Variants in FNDC3B observed in about 807,000 individuals in gnomAD.
FNDC3B encodes fibronectin type III domain containing 3B, also known as fibronectin type III domain-containing protein 3B.
In FNDC3B, 12 loss-of-function variants were observed where a neutral mutation model predicts 151.5. The observed-to-expected ratio is 0.08, with a 90% CI of 0.05 to 0.13. FNDC3B has a LOEUF of 0.13. FNDC3B is among the 10% of genes least tolerant of loss of function. The pLI, the probability that FNDC3B is intolerant of heterozygous loss-of-function variation, is 1.00. For missense variants in FNDC3B, 1,214 were observed against 1,505.3 expected (o/e 0.81, Z 3.20); for synonymous variants, 528 against 549.0 (o/e 0.96, Z 0.54).
intron 4 of FNDC3B, among the ~76,000 whole-genome samples, chr3:172,231,959 C>A: frequency 6.9e-6 from 1 of 145,294 alleles, no homozygotes; most frequent in Non-Finnish European, 1.5e-5. Flanking sequence ...TGGCTCACTG[C>A]AACCTCTGCC....
intron 3 of FNDC3B, among the ~76,000 whole-genome samples, chr3:172,207,215 A>T (rs913155138): frequency 6.6e-6 from 1 of 152,160 alleles, no homozygotes. Flanking sequence ...GGGAAACAGG[A>T]TATTAATTTG....
intron 3 of FNDC3B, among the ~76,000 whole-genome samples, chr3:172,222,909 G>A (rs1048985522): frequency 1.1e-4 from 16 of 152,234 alleles, no homozygotes; most frequent in Non-Finnish European, 2.2e-4. Flanking sequence ...AGCTCTCCAA[G>A]AGCTTGTGTG....
At chr3:172,270,461 A>G (rs762307378) in intron 6 of FNDC3B, among the ~76,000 whole-genome samples, 6 of 152,174 alleles carry the variant, frequency 3.9e-5, no homozygotes, top group Non-Finnish European at 5.9e-5. Context: ...TGTGGGGCCC[A>G]TTCTGCCCTA....
intron 1 of FNDC3B, among the ~76,000 whole-genome samples, chr3:172,063,683 TG>T (rs1379525377): frequency 1.3e-5 from 2 of 152,194 alleles, no homozygotes; most frequent in Non-Finnish European, 2.9e-5. Flanking sequence ...CATGATGTTT[TG>T]AGGGCAGCCT....
chr3:172,075,756 C>T (rs950205452), intron 1 of FNDC3B, among the ~76,000 whole-genome samples: 3 of 144,970 alleles, frequency 2.1e-5, no homozygotes, highest in Non-Finnish European at 4.6e-5. Context: ...CACACACACA[C>T]ACACACACAC....
intron 22 of FNDC3B, among the ~76,000 whole-genome samples, chr3:172,354,495 TAAAAAA>T (rs889464333): frequency 6.7e-6 from 1 of 149,838 alleles, no homozygotes; most frequent in African/African-American, 2.5e-5. Context: ...ATATAAACAA[TAAAAAA>T]AAATAATAAT....
chr3:172,336,727 C>A (rs1486009224), intron 15 of FNDC3B, among the ~76,000 whole-genome samples: 2 of 151,550 alleles, frequency 1.3e-5, no homozygotes, highest in Non-Finnish European at 2.9e-5. Flanking sequence ...GTGGTGAAAC[C>A]CTGTCTCTAC....
chr3:172,040,030 C>T lies in FNDC3B; in HGVS notation c.-29+259C>T, dbSNP rs1390594121. Among the ~76,000 whole-genome samples, 5 of 152,128 alleles carry T rather than the reference C, an allele frequency of 3.3e-5. No individual in the cohort carries two copies. Among genetic ancestry groups the T allele is most frequent in the African/African-American group, 4.8e-5 (2 of 41,436 alleles). ...GGGCTGGGGTCCCCCGCCTGTGCCC[C>T]CTGCCTCAGGGTTTGGAGGAGTGAA... On this transcript the variant is annotated intron_variant, in intron 1 of 25. Transcript: ENST00000415807. This position sits in a 1 kb window ranked among gnomAD's most constrained non-coding sequence, Gnocchi z 6.6.
rs74389266 is a variant in FNDC3B at position 172,156,895 on chromosome 3, C to T, written c.187+23349C>T. On this transcript the variant is annotated intron_variant, in intron 3 of 25. Coordinates refer to ENST00000415807, the MANE Select transcript of FNDC3B (RefSeq NM_022763.4). ...CAGATTACGGACTATCAGAAGTTTA[C>T]TTGTCCTCAATATTCCGGTCTGCAT... Among the ~76,000 whole-genome samples, 151 of 152,200 alleles carry T rather than the reference C, an allele frequency of 9.9e-4. 4 individuals carry two copies. The East Asian group carries it at 0.024, about 24-fold the overall frequency.
intron 3 of FNDC3B, among the ~76,000 whole-genome samples, chr3:172,159,406 C>T (rs1342432785): frequency 6.6e-6 from 1 of 152,210 alleles, no homozygotes; most frequent in Non-Finnish European, 1.5e-5. Context: ...ACTGTAGCTA[C>T]ATAGTAAGTC....
rs10513700 is a variant in FNDC3B, at chr3:172,259,382, T to A, written c.790+7841T>A. 8.8e-3 allele frequency among the ~76,000 whole-genome samples: 1,348 copies of A among 152,318 alleles called. 24 individuals are homozygous for A. The highest frequency in any genetic ancestry group is 0.03 in the African/African-American group (1,260 of 41,568). On this transcript the variant is annotated intron_variant, in intron 6 of 25. Coordinates refer to ENST00000415807, the MANE Select transcript of FNDC3B (RefSeq NM_022763.4). ...AGGCTGCCAGATCTCTCTGCTTAGTTATAGAGGCCTCTGAGTGACTCTAGT... is the reference window on the plus strand; with the variant it reads ...AGGCTGCCAGATCTCTCTGCTTAGTAATAGAGGCCTCTGAGTGACTCTAGT...
At chr3:172,314,041 T>C (rs1731656103) in intron 11 of FNDC3B, among the ~76,000 whole-genome samples, 1 of 152,182 alleles carries the variant, frequency 6.6e-6, no homozygotes, top group Admixed American at 6.5e-5. Flanking sequence ...TGTGAACACA[T>C]AAGGCTCTGG....
intron 25 of FNDC3B, among the ~76,000 whole-genome samples, chr3:172,383,999 A>G (rs1217823845): frequency 5.7e-5 from 3 of 52,728 alleles, no homozygotes; most frequent in African/African-American, 1.3e-4. Context: ...CTGAAACAGT[A>G]GCATAATTTA....
At position 172,235,887 on chromosome 3, in the gene FNDC3B, C is replaced by T. The variant is rs374515224; in HGVS notation, c.264+8940C>T. On this transcript the variant is annotated intron_variant, in intron 4 of 25. Coordinates refer to ENST00000415807, the MANE Select transcript of FNDC3B (RefSeq NM_022763.4). ...CACTGGAATAATCTATCTGTGTTTCCATGGACCTGAGTGTGCCTGAGAAGC... is the reference window on the plus strand; with the variant it reads ...CACTGGAATAATCTATCTGTGTTTCTATGGACCTGAGTGTGCCTGAGAAGC... Among the ~76,000 whole-genome samples, 11 of 152,274 alleles carry T rather than the reference C, an allele frequency of 7.2e-5. No individual in the cohort carries two copies. The South Asian group carries it at 2.3e-3, about 32-fold the overall frequency.
At chr3:172,265,420 A>G (rs1418299740) in intron 6 of FNDC3B, among the ~76,000 whole-genome samples, 1 of 152,186 alleles carries the variant, frequency 6.6e-6, no homozygotes, top group Non-Finnish European at 1.5e-5. Context: ...TAAAAATGAT[A>G]TTTTCAGGGG....
chr3:172,306,258 T>G (rs546037992), intron 9 of FNDC3B, among the ~76,000 whole-genome samples: 8 of 152,306 alleles, frequency 5.3e-5, no homozygotes, highest in Admixed American at 4.6e-4. Context: ...AGGAACATGA[T>G]TGCAGGATGA....
intron 3 of FNDC3B, among the ~76,000 whole-genome samples, chr3:172,145,646 A>C (rs527989498): frequency 8.3e-4 from 127 of 152,326 alleles, no homozygotes; most frequent in Non-Finnish European, 1.6e-3. Flanking sequence ...ATGGTTTAAG[A>C]TTTTTCAACT....
At chr3:172,370,181 C>T (rs575380792) in intron 23 of FNDC3B, among the ~76,000 whole-genome samples, 2 of 152,018 alleles carry the variant, frequency 1.3e-5, no homozygotes, top group African/African-American at 4.8e-5. Context: ...AATATAGAAA[C>T]GTTAGCATTA....
chr3:172,116,789 C>A (rs919414832), intron 2 of FNDC3B, among the ~76,000 whole-genome samples: 3 of 152,234 alleles, frequency 2.0e-5, no homozygotes, highest in Admixed American at 1.3e-4. Flanking sequence ...TGGTCTTGAA[C>A]TCCTGACCTC....
Sources: gnomAD v4.1 joint callset for allele counts (sites outside exome capture counted in the v4.1 genomes callset) on GRCh38, gnomAD v4.1.1 for gene constraint, Gnocchi (gnomAD v3.1) non-coding constraint, MANE v1.5 for transcripts, NCBI Gene and HGNC (gene_info 2026-07-23, HGNC 2026-07-21) for gene names.